The following NFASC variants were observed in gnomAD, a reference collection of about 807,000 sequenced individuals.
NFASC encodes the protein neurofascin homolog.
In NFASC, 43 loss-of-function variants were observed where a neutral mutation model predicts 147.5. The observed-to-expected ratio is 0.29, with a 90% CI of 0.23 to 0.38. The LOEUF is 0.38. Ranked by LOEUF, NFASC falls within the 10% of genes least tolerant of loss-of-function variation. NFASC has a pLI of 1.00. For synonymous variants in NFASC, 622 were observed against 665.5 expected (o/e 0.93, Z 1.01); for missense variants, 1,320 against 1,689.0 (o/e 0.78, Z 3.83).
chr1:204,913,349 G>A (rs1042579332), intron 1 of NFASC, among the ~76,000 whole-genome samples: 1 of 151,944 alleles, frequency 6.6e-6, no homozygotes, highest in Non-Finnish European at 1.5e-5. Context: ...TGATTCTAGA[G>A]GAATCTGTAA....
At chr1:204,990,113 G>A (rs1016744465) in intron 23 of NFASC, 3 of 152,328 alleles carry the variant, frequency 2.0e-5, no homozygotes, top group African/African-American at 7.2e-5. Flanking sequence ...CAGGAGAAGA[G>A]GGGCCAGGCA....
At chr1:204,860,638 A>G (rs2076580918) in intron 1 of NFASC, among the ~76,000 whole-genome samples, 1 of 152,252 alleles carries the variant, frequency 6.6e-6, no homozygotes, top group Non-Finnish European at 1.5e-5. Flanking sequence ...ATTCAGTGGC[A>G]TTTAGTACAT....
chr1:204,955,049 T>C lies in NFASC; in HGVS notation c.535+98T>C, dbSNP rs570565179. ...GGGGCTTGCCCAAGCTAGAAGGCCT[T>C]GATTTGTGAGAGGCAGGTGCAATGT... On this transcript the variant is annotated intron_variant, in intron 7 of 29. Coordinates refer to ENST00000339876, the MANE Select transcript of NFASC (RefSeq NM_001005388.3). The C allele has an allele frequency of 1.7e-4, 256 of 1,468,178 alleles. No homozygotes were observed. The South Asian group carries it at 2.9e-3, about 17-fold the overall frequency. The allele number at this position is 1,468,178 out of a possible 1,614,324, so 90.9% of individuals were successfully genotyped here.
chr1:204,968,222 A>T lies in NFASC; in HGVS notation c.707-27A>T. On this transcript the variant is annotated intron_variant, in intron 8 of 29. Transcript: ENST00000339876. This position sits in a 1 kb window ranked among gnomAD's most constrained non-coding sequence, Gnocchi z 5.4. ...GGGTCTGCCTTCTGGAAGGAGGCTC[A>T]TGGGAGTTTGTTCTCTCCTGTTTCA... The T allele has an allele frequency of 1.3e-6, 2 of 1,566,530 alleles. No individual in the cohort carries two copies. Among genetic ancestry groups the T allele is most frequent in the Non-Finnish European group, 1.8e-6 (2 of 1,136,750 alleles).
intron 1 of NFASC, among the ~76,000 whole-genome samples, chr1:204,872,433 T>G (rs2103029943): frequency 6.6e-6 from 1 of 152,332 alleles, no homozygotes; most frequent in Non-Finnish European, 1.5e-5. Context: ...TGCATGCTCC[T>G]GGGAGCACTG....
At chr1:204,861,566 T>C (rs1198603617) in intron 1 of NFASC, among the ~76,000 whole-genome samples, 3 of 152,230 alleles carry the variant, frequency 2.0e-5, no homozygotes, top group African/African-American at 7.2e-5. Flanking sequence ...CTCAGCTCAC[T>C]GCAAGCTCCG....
intron 2 of NFASC, among the ~76,000 whole-genome samples, chr1:204,937,894 T>C (rs1573369179): frequency 1.3e-5 from 2 of 152,236 alleles, no homozygotes; most frequent in Admixed American, 6.5e-5. Context: ...CATGCATGTG[T>C]TCTCTAGAAT....
intron 2 of NFASC, among the ~76,000 whole-genome samples, chr1:204,940,097 A>T (rs1430607732): frequency 6.6e-6 from 1 of 152,228 alleles, no homozygotes; most frequent in African/African-American, 2.4e-5. Context: ...TTATGAGCAC[A>T]TAATGGAGGC....
chr1:204,882,550 C>A (rs1558567224), intron 1 of NFASC, among the ~76,000 whole-genome samples: 1 of 152,194 alleles, frequency 6.6e-6, no homozygotes, highest in Admixed American at 6.5e-5. Context: ...CATAGCACTT[C>A]CCCACTACCT....
At chr1:204,955,044 G>A in intron 7 of NFASC, 93 bp downstream of exon 7, 1 of 1,502,478 alleles carries the variant, frequency 6.7e-7, no homozygotes. Context: ...CAAGCTAGAA[G>A]GCCTTGATTT....
intron 3 of NFASC, 66 bp downstream of exon 3, chr1:204,944,472 G>GGGGGGGGC: frequency 2.5e-6 from 1 of 402,578 alleles, no homozygotes; most frequent in Non-Finnish European, 5.0e-6. Context: ...GGAGGGGAGG[G>GGGGGGGGC]AAGGTCAGAG....
chr1:204,928,250 C>G (rs2091943837), intron 2 of NFASC, among the ~76,000 whole-genome samples: 1 of 152,150 alleles, frequency 6.6e-6, no homozygotes, highest in Non-Finnish European at 1.5e-5. Context: ...TACATTTGAG[C>G]ATCTTTTCCA....
Position 205,002,651 on chromosome 1 carries a change from G to A in NFASC, c.3192G>A (p.Leu1064=), listed in dbSNP as rs776268116. ...PVKAQAQPIQ[L]TDLYPGMTYT... ...AGGCCCAGGCTCAGCCTATACAGCT[G>A]ACAGACCTCTATCCCGGGATGACAT... The change falls in exon 27 of 30, where the codon CTG becomes CTA. Residue 1064 remains leucine (L), a synonymous_variant. Transcript: ENST00000339876. 6.3e-7 allele frequency: 1 copy of A among 1,584,728 alleles called. No homozygotes were observed. Among genetic ancestry groups the A allele is most frequent in the Admixed American group, 1.7e-5 (1 of 59,468 alleles).
chr1:204,980,472 C>T, intron 20 of NFASC, 32 bp downstream of exon 20: 5 of 1,549,360 alleles, frequency 3.2e-6, no homozygotes, highest in Non-Finnish European at 4.4e-6. Context: ...AGTGGAGCAG[C>T]TCACCTTGCC....
intron 21 of NFASC, among the ~76,000 whole-genome samples, chr1:204,982,734 G>T (rs183418455): frequency 1.3e-5 from 2 of 152,376 alleles, no homozygotes; most frequent in African/African-American, 4.8e-5. Flanking sequence ...CAAAGCAGGG[G>T]TGTCGGGGAG....
intron 1 of NFASC, among the ~76,000 whole-genome samples, chr1:204,912,596 A>G (rs949744121): frequency 6.6e-6 from 1 of 152,102 alleles, no homozygotes; most frequent in African/African-American, 2.4e-5. Context: ...CCAGCTGCTC[A>G]GGAGGCTGAG....
chr1:204,859,020 C>T lies in NFASC; in HGVS notation c.-200+30238C>T, dbSNP rs532486643. ...TGAGACAGAGTCTTGCTCTGTCGCCCAGGCTGGAGTGCAGTGACGCAGTCT... is the reference window on the plus strand; with the variant it reads ...TGAGACAGAGTCTTGCTCTGTCGCCTAGGCTGGAGTGCAGTGACGCAGTCT... On this transcript the variant is annotated intron_variant, in intron 1 of 29. Coordinates refer to ENST00000339876, the MANE Select transcript of NFASC (RefSeq NM_001005388.3). Among the ~76,000 whole-genome samples the T allele has an allele frequency of 4.6e-5, 7 of 150,748 alleles. No individual in the cohort carries two copies. In the East Asian group the frequency reaches 1.4e-3, roughly 29 times the overall value.
In NFASC at chr1:204,974,235, A is replaced by G. The variant is rs768988023; in HGVS notation, c.1336A>G (p.Asn446Asp). The G allele has an allele frequency of 2.5e-6, 4 of 1,613,982 alleles. No homozygotes were observed. The highest frequency in any genetic ancestry group is 1.3e-5 in the African/African-American group (1 of 74,904). Reference protein sequence around the residue: ...RNQLIRVILYNRTRLDCPFFG... With the variant: ...RNQLIRVILYDRTRLDCPFFG... ...CCAGCTCATTCGAGTGATTCTTTAC[A>G]ACCGGACGCGGCTGGACTGCCCTTT... Residue 446 changes from asparagine (N) to aspartate (D), a missense_variant, in exon 13 of 30, where the codon AAC (asparagine) becomes GAC (aspartate). Physicochemically the swap from Asn to Asp is conservative, Grantham distance 23. Around this residue, in one of 3 missense-constraint regions of NFASC, gnomAD observed 981 missense variants for 1,289.5 expected, o/e 0.76. Coordinates refer to ENST00000339876, the MANE Select transcript of NFASC (RefSeq NM_001005388.3).
chr1:204,907,134 G>A (rs929269405), intron 1 of NFASC, among the ~76,000 whole-genome samples: 5 of 152,276 alleles, frequency 3.3e-5, no homozygotes, highest in Admixed American at 1.3e-4. Context: ...GTGGGATTAT[G>A]AGAAGTTTGT....
Sources: allele counts gnomAD v4.1 joint callset (sites outside exome capture counted in the v4.1 genomes callset), GRCh38; gene constraint gnomAD v4.1.1; regional missense constraint gnomAD v4.1.1; non-coding constraint Gnocchi (gnomAD v3.1); transcripts MANE v1.5; gene names NCBI Gene and HGNC (gene_info 2026-07-23, HGNC 2026-07-21).